Variants in PCYT1B observed in about 807,000 individuals in gnomAD.
PCYT1B encodes phosphate cytidylyltransferase 1B, choline, also known as choline-phosphate cytidylyltransferase B.
Under a neutral mutation model 26.4 loss-of-function variants are expected in PCYT1B, and 10 were observed. That is an observed-to-expected ratio of 0.38 (90% confidence interval 0.23 to 0.64). The LOEUF is 0.64. PCYT1B is among the 30% of genes least tolerant of loss of function. The pLI, the probability that PCYT1B is intolerant of heterozygous loss-of-function variation, is 0.56. For synonymous variants in PCYT1B, 131 were observed against 108.4 expected (o/e 1.21, Z -1.29); for missense variants, 161 against 292.7 (o/e 0.55, Z 3.28).
At chrX:24,645,206 T>C (rs1310382958) in intron 1 of PCYT1B, among the ~76,000 whole-genome samples, 5 of 111,767 alleles carry the variant, frequency 4.5e-5, no homozygotes, top group African/African-American at 1.6e-4. Context: ...ACTGAAATGA[T>C]GCACAAACTG....
At chrX:24,622,177 G>A (rs1250691441) in intron 1 of PCYT1B, among the ~76,000 whole-genome samples, 2 of 111,892 alleles carry the variant, frequency 1.8e-5, no homozygotes, top group African/African-American at 6.5e-5. Flanking sequence ...AAATAAATGA[G>A]CCACAGCCTT....
chrX:24,671,454 T>TAACA (rs373496770), intron 1 of PCYT1B, among the ~76,000 whole-genome samples: 100 of 111,275 alleles, frequency 9.0e-4, no homozygotes, highest in African/African-American at 3.2e-3. Context: ...AAATTTAAGA[T>TAACA]AACATGGAGG....
At chrX:24,563,503 G>C (rs1923507861) in intron 7 of PCYT1B, among the ~76,000 whole-genome samples, 1 of 111,931 alleles carries the variant, frequency 8.9e-6, no homozygotes, top group African/African-American at 3.2e-5. Flanking sequence ...GGGAGGAGCT[G>C]AGGGAGGCGG....
chrX:24,581,105 C>A (rs190389393), intron 5 of PCYT1B, among the ~76,000 whole-genome samples: 56 of 112,156 alleles, frequency 5.0e-4, no homozygotes, highest in African/African-American at 1.7e-3. Context: ...CCAGCAATGT[C>A]ATTTTTGTCT....
chrX:24,664,545 G>A (rs896516568), intron 1 of PCYT1B, among the ~76,000 whole-genome samples: 2 of 112,238 alleles, frequency 1.8e-5, no homozygotes, highest in East Asian at 2.8e-4. Context: ...TGGAAAGGAC[G>A]TACCATCTCC....
chrX:24,562,927 A>T (rs916361749), intron 7 of PCYT1B, among the ~76,000 whole-genome samples: 4 of 110,503 alleles, frequency 3.6e-5, no homozygotes, highest in African/African-American at 9.9e-5. Flanking sequence ...GGGTTTCACC[A>T]TGTTGGTCAG....
intron 1 of PCYT1B, among the ~76,000 whole-genome samples, chrX:24,637,213 T>C (rs1012589679): frequency 5.5e-5 from 6 of 109,105 alleles, no homozygotes; most frequent in African/African-American, 2.0e-4. Context: ...TCTAGGCACA[T>C]CTTGCTTCCG....
Position 24,579,475 on chromosome X carries a change from G to C in PCYT1B, c.566-17C>G, listed in dbSNP as rs1442375289. On this transcript the variant is annotated splice_polypyrimidine_tract_variant and intron_variant, in intron 5 of 7. Transcript: ENST00000379144. ...CGAACATCCCTGTTCAAGTAGAAAA[G>C]AGCGGATAGAGGAAAAATTAAGATC... The C allele has an allele frequency of 1.3e-5, 15 of 1,198,835 alleles. No homozygotes were observed. In the East Asian group the frequency reaches 4.5e-4, roughly 36 times the overall value.
At chrX:24,622,321 T>C (rs1265080838) in intron 1 of PCYT1B, among the ~76,000 whole-genome samples, 1 of 111,375 alleles carries the variant, frequency 9.0e-6, no homozygotes, top group African/African-American at 3.3e-5. Flanking sequence ...GTTTTTTCAG[T>C]CCAAACACAC....
At chrX:24,660,951 T>C in intron 1 of PCYT1B, among the ~76,000 whole-genome samples, 1 of 111,759 alleles carries the variant, frequency 8.9e-6, no homozygotes, top group Middle Eastern at 4.6e-3. Flanking sequence ...GCACATATGG[T>C]ACTACCATTG....
chrX:24,625,540 G>C (rs1463997593), intron 1 of PCYT1B, among the ~76,000 whole-genome samples: 1 of 109,110 alleles, frequency 9.2e-6, no homozygotes, highest in Non-Finnish European at 1.9e-5. Flanking sequence ...AAGAGGCCCA[G>C]TATGTGGTTC....
intron 1 of PCYT1B, among the ~76,000 whole-genome samples, chrX:24,660,072 T>A (rs762000859): frequency 2.2e-4 from 25 of 111,662 alleles, no homozygotes; most frequent in African/African-American, 8.1e-4. Flanking sequence ...TCCTGCTCCC[T>A]AAAGATTCTG....
chrX:24,575,054 C>A (rs761694993), intron 7 of PCYT1B, 76 bp downstream of exon 7: 6 of 865,273 alleles, frequency 6.9e-6, no homozygotes, highest in Non-Finnish European at 9.7e-6. Context: ...TAAGGGGCAC[C>A]CTTGAGTGGC....
chrX:24,563,368 G>A (rs1245103626), intron 7 of PCYT1B, among the ~76,000 whole-genome samples: 1 of 111,527 alleles, frequency 9.0e-6, no homozygotes, highest in Admixed American at 9.5e-5. Flanking sequence ...GATAAGGGGA[G>A]GGACCAGGTG....
Position 24,562,121 on chromosome X carries a change from T to C in PCYT1B, c.*172A>G. The C allele has an allele frequency of 1.7e-6, 2 of 1,210,667 alleles. No homozygotes were observed. The highest frequency in any genetic ancestry group is 2.2e-6 in the Non-Finnish European group (2 of 894,707). ...TGCACCTCGCCCAACTCTTCAGCTG[T>C]ACGGAGAGTGAGAGAGAACTGGTCC... On this transcript the variant is annotated 3_prime_UTR_variant, in exon 8 of 8. Transcript: ENST00000379144.
At chrX:24,659,701 T>C (rs762421340) in intron 1 of PCYT1B, among the ~76,000 whole-genome samples, 77 of 111,420 alleles carry the variant, frequency 6.9e-4, no homozygotes, top group Non-Finnish European at 1.3e-3. Flanking sequence ...TTGTGTTCCA[T>C]CATCCCATGG....
intron 3 of PCYT1B, among the ~76,000 whole-genome samples, chrX:24,600,101 C>A (rs1924911242): frequency 9.0e-6 from 1 of 110,805 alleles, no homozygotes; most frequent in African/African-American, 3.3e-5. Context: ...GGGGTTTCAT[C>A]ATGTTGGCCA....
intron 7 of PCYT1B, among the ~76,000 whole-genome samples, chrX:24,573,950 C>A (rs113479559): frequency 2.2e-4 from 24 of 111,224 alleles, no homozygotes; most frequent in African/African-American, 7.2e-4. Flanking sequence ...ATAACACCCA[C>A]GTCTATAATC....
At chrX:24,590,879 C>T (rs1442926202) in intron 3 of PCYT1B, among the ~76,000 whole-genome samples, 3 of 101,827 alleles carry the variant, frequency 2.9e-5, no homozygotes, top group Admixed American at 2.3e-4. Context: ...CTGCAAGCTT[C>T]GCCTCCCGGG....
Sources: gnomAD v4.1 joint callset for allele counts (sites outside exome capture counted in the v4.1 genomes callset) on GRCh38, gnomAD v4.1.1 for gene constraint, MANE v1.5 for transcripts, NCBI Gene and HGNC (gene_info 2026-07-23, HGNC 2026-07-21) for gene names.